The following ANKS1B variants were observed in gnomAD, a reference collection of about 807,000 sequenced individuals.
ANKS1B encodes ankyrin repeat and sterile alpha motif domain-containing protein 1B.
A neutral mutation model predicts 148.3 loss-of-function variants in ANKS1B; 36 were observed. The ratio of observed to expected loss-of-function variants is 0.24; its 90% CI spans 0.19 to 0.32. ANKS1B has a LOEUF of 0.32. Ranked by LOEUF, ANKS1B falls within the 10% of genes least tolerant of loss-of-function variation. The probability of loss-of-function intolerance (pLI) is 1.00; values close to 1 mark genes in which losing one functional copy is unlikely to be tolerated. For synonymous variants in ANKS1B, 542 were observed against 560.8 expected (o/e 0.97, Z 0.47); for missense variants, 1,157 against 1,542.6 (o/e 0.75, Z 4.19).
chr12:98,931,682 T>C (rs760216707), intron 17 of ANKS1B: 1 of 152,160 alleles, frequency 6.6e-6, no homozygotes, highest in Non-Finnish European at 1.5e-5. Flanking sequence ...CTAGACACTT[T>C]TGTGTGTGAC....
intron 17 of ANKS1B, among the ~76,000 whole-genome samples, chr12:99,052,054 T>C (rs1478568905): frequency 6.6e-6 from 1 of 152,228 alleles, no homozygotes; most frequent in African/African-American, 2.4e-5. Flanking sequence ...AACTATTCTT[T>C]AAAAACCTAA....
intron 1 of ANKS1B, among the ~76,000 whole-genome samples, chr12:99,828,118 C>G (rs1817574353): frequency 6.6e-6 from 1 of 152,040 alleles, no homozygotes; most frequent in Non-Finnish European, 1.5e-5. Flanking sequence ...TACTCAGAAA[C>G]AAAAGGAATT....
intron 9 of ANKS1B, among the ~76,000 whole-genome samples, chr12:99,529,531 T>C (rs1186562215): frequency 6.6e-6 from 1 of 152,078 alleles, no homozygotes; most frequent in African/African-American, 2.4e-5. Context: ...CGTGTGCCTG[T>C]AATACCAGCT....
In ANKS1B at chr12:99,444,208, A is replaced by G. The variant is rs540850349; in HGVS notation, c.1439-399T>C. On this transcript the variant is annotated intron_variant, in intron 10 of 26. Coordinates refer to ENST00000683438, the MANE Select transcript of ANKS1B (RefSeq NM_001352186.2). ...TCTTAAATGAGTATTAATATTTATT[A>G]AAGTGGGAGTTTTATATCTCCCTGA... Among the ~76,000 whole-genome samples, 9 of 152,146 alleles carry G rather than the reference A, an allele frequency of 5.9e-5. No homozygotes were observed. The East Asian group carries it at 1.7e-3, about 29-fold the overall frequency.
intron 1 of ANKS1B, among the ~76,000 whole-genome samples, chr12:99,885,169 G>A (rs1310154134): frequency 1.3e-5 from 2 of 151,964 alleles, no homozygotes; most frequent in East Asian, 1.9e-4. Context: ...TACTTTGCTT[G>A]GCTAAATGCT....
chr12:99,735,460 A>G (rs1184323911), intron 8 of ANKS1B, among the ~76,000 whole-genome samples: 1 of 152,182 alleles, frequency 6.6e-6, no homozygotes, highest in Admixed American at 6.5e-5. Flanking sequence ...AATACAAAAT[A>G]TCATCAGAGA....
At chr12:99,651,128 C>T (rs1243262736) in intron 9 of ANKS1B, among the ~76,000 whole-genome samples, 1 of 151,874 alleles carries the variant, frequency 6.6e-6, no homozygotes, top group African/African-American at 2.4e-5. Context: ...TCCCAAAGGC[C>T]CCTGTATATA....
intron 1 of ANKS1B, among the ~76,000 whole-genome samples, chr12:99,874,466 T>C (rs144361958): frequency 1.9e-4 from 29 of 152,330 alleles, no homozygotes; most frequent in African/African-American, 6.7e-4. Flanking sequence ...TAGTTTTTCA[T>C]TGACTGCTGT....
At chr12:99,648,263 G>A (rs751298344) in intron 9 of ANKS1B, 13 of 1,614,020 alleles carry the variant, frequency 8.1e-6, no homozygotes, top group Middle Eastern at 3.3e-4. Flanking sequence ...AAGCTGCAGC[G>A]GCAACTGTAC....
intron 23 of ANKS1B, 82 bp downstream of exon 23, chr12:98,782,044 C>T (rs1239799551): frequency 6.8e-6 from 8 of 1,184,968 alleles, no homozygotes; most frequent in Non-Finnish European, 9.7e-6. Context: ...TATCATTCAT[C>T]ACCAGTCACC....
intron 17 of ANKS1B, among the ~76,000 whole-genome samples, chr12:98,974,244 C>A (rs1385860307): frequency 1.3e-5 from 2 of 152,150 alleles, no homozygotes; most frequent in African/African-American, 4.8e-5. Context: ...TGTGTTATAT[C>A]AGAATGAGTA....
intron 9 of ANKS1B, among the ~76,000 whole-genome samples, chr12:99,505,839 G>GT (rs1454798245): frequency 6.6e-6 from 1 of 151,882 alleles, no homozygotes; most frequent in East Asian, 1.9e-4. Context: ...TGAAAATATT[G>GT]TAAGTAGAAA....
intron 8 of ANKS1B, among the ~76,000 whole-genome samples, chr12:99,694,461 A>G (rs957197181): frequency 6.6e-6 from 1 of 151,734 alleles, no homozygotes; most frequent in African/African-American, 2.4e-5. Context: ...AAGAATTGTC[A>G]GACTATGGAT....
intron 4 of ANKS1B, 124 bp downstream of exon 4, chr12:99,806,280 G>GTAGT (rs2067634820): frequency 8.4e-7 from 1 of 1,189,280 alleles, no homozygotes; most frequent in East Asian, 2.5e-5. Context: ...CTTGAACTCA[G>GTAGT]TAGTTACAAA....
chr12:99,009,851 A>AC (rs1555614576), intron 17 of ANKS1B, among the ~76,000 whole-genome samples: 12 of 148,538 alleles, frequency 8.1e-5, no homozygotes, highest in East Asian at 3.9e-4. Flanking sequence ...CAAAAAAAAA[A>AC]AAACAAACAA....
intron 9 of ANKS1B, chr12:99,648,642 GGATGCAAGTGAA>G: frequency 6.2e-7 from 1 of 1,614,142 alleles, no homozygotes; most frequent in East Asian, 2.2e-5. Flanking sequence ...GTCCTCCATC[GGATGCAAGTGAA>G]GACCTTTTTG....
chr12:99,310,355 G>C (rs1187589767), intron 12 of ANKS1B, among the ~76,000 whole-genome samples: 1 of 152,098 alleles, frequency 6.6e-6, no homozygotes, highest in Non-Finnish European at 1.5e-5. Flanking sequence ...AAACATGATG[G>C]ATGTTTATGT....
chr12:99,275,716 T>C (rs116967712), intron 12 of ANKS1B, among the ~76,000 whole-genome samples: 1,706 of 152,330 alleles, frequency 0.011, 14 homozygotes, highest in Non-Finnish European at 0.017. Flanking sequence ...TTAGTGTCAC[T>C]TGTGCCATAG....
intron 1 of ANKS1B, among the ~76,000 whole-genome samples, chr12:99,892,754 T>C (rs2093178999): frequency 6.6e-6 from 1 of 152,198 alleles, no homozygotes; most frequent in African/African-American, 2.4e-5. Flanking sequence ...TGGCTTATTT[T>C]CTGCAGAGTC....
Sources: allele counts gnomAD v4.1 joint callset (sites outside exome capture counted in the v4.1 genomes callset), GRCh38; gene constraint gnomAD v4.1.1; transcripts MANE v1.5; gene names NCBI Gene and HGNC (gene_info 2026-07-23, HGNC 2026-07-21).